Variants in PML observed in about 807,000 individuals in gnomAD.
PML encodes protein PML.
Under a neutral mutation model 65.2 loss-of-function variants are expected in PML, and 28 were observed. The observed-to-expected ratio is 0.43, with a 90% CI of 0.32 to 0.59. The LOEUF (loss-of-function observed/expected upper bound fraction) is 0.59. PML is among the 20% of genes least tolerant of loss of function. The probability of loss-of-function intolerance (pLI) is 0.08; values close to 1 mark genes in which losing one functional copy is unlikely to be tolerated. For missense variants in PML, 1,021 were observed against 1,203.4 expected, an observed-to-expected ratio of 0.85 and a Z score of 2.24; for synonymous variants, 500 against 508.8, an observed-to-expected ratio of 0.98 and a Z score of 0.23.
At chr15:74,020,790 A>G (rs914597572) in intron 2 of PML, among the ~76,000 whole-genome samples, 3 of 152,114 alleles carry the variant, frequency 2.0e-5, no homozygotes, top group South Asian at 2.1e-4. Context: ...GGCTGCCCAC[A>G]TTCCTTGGTG....
rs1277530084 is a variant in PML, at chr15:74,042,844, TC to T, written c.1711-144del. ...CACCCATTCATGCACACATACCTTC[TC>T]TTGTGCACACGTCCCCTTTCCCAGT... On this transcript the variant is annotated intron_variant, in intron 7 of 8. Transcript: ENST00000268058. This position sits in a 1 kb window ranked among gnomAD's most constrained non-coding sequence, Gnocchi z 5.3. The T allele has an allele frequency of 6.5e-6, 10 of 1,550,374 alleles. No individual in the cohort carries two copies. The highest frequency in any genetic ancestry group is 6.9e-6 in the Non-Finnish European group (8 of 1,154,682).
intron 4 of PML, among the ~76,000 whole-genome samples, chr15:74,031,496 C>T (rs978063535): frequency 4.6e-5 from 7 of 152,174 alleles, no homozygotes; most frequent in Non-Finnish European, 8.8e-5. Flanking sequence ...CATCTCAGTC[C>T]TCATTGCTTT....
Position 74,043,084 on chromosome 15 carries a change from C to T in PML, c.1806C>T (p.Asp602=). The change falls in exon 8 of 9, where the codon GAC becomes GAT. Residue 602 remains aspartate, a synonymous_variant. Transcript: ENST00000268058. The surrounding 1 kb of genome is among the most constrained non-coding windows in gnomAD (Gnocchi z 4.3). The stretch of plus-strand genomic sequence containing the variant: ...GGGTCCTGGACGAGAACCTTGCTGA[C>T]CCCCAAGCAGAAGACAGACCTCTGG... ...TLRVLDENLA[D]PQAEDRPLVF... 6.2e-7 allele frequency: 1 copy of T among 1,613,414 alleles called. No individual in the cohort carries two copies. Among genetic ancestry groups the T allele is most frequent in the Admixed American group, 1.7e-5 (1 of 59,950 alleles).
In PML at chr15:74,046,027, C is replaced by G. The variant is rs560968400; in HGVS notation, c.*1019C>G. 4.3e-6 allele frequency: 1 copy of G among 232,976 alleles called. No homozygotes were observed. Among genetic ancestry groups the G allele is most frequent in the East Asian group, 6.0e-5 (1 of 16,556 alleles). The allele number at this position is 232,976 out of a possible 1,614,324, so 14.4% of individuals were successfully genotyped here. On this transcript the variant is annotated 3_prime_UTR_variant, in exon 9 of 9. Transcript: ENST00000268058. ...TGTGGAACAGCAGAGAAAGTCCCGT[C>G]CCTATCTCTGACTGTGCAGTGAGTG...
intron 2 of PML, among the ~76,000 whole-genome samples, chr15:73,998,903 T>G (rs3784560): frequency 0.047 from 7,160 of 152,232 alleles, 235 homozygotes; most frequent in East Asian, 0.18. Context: ...AGACAAGTAG[T>G]TAGTTTCTGT....
chr15:74,033,206 G>C lies in PML; in HGVS notation c.1449G>C (p.Gln483His), dbSNP rs760985638. Residue 483 changes from glutamine to histidine, a missense_variant, in exon 6 of 9, where the codon CAG becomes CAC. Coordinates refer to ENST00000268058, the MANE Select transcript of PML (RefSeq NM_033238.3). ...TAQKRKCSQTQCPRKVIKMES... is the reference protein window; with the variant it reads ...TAQKRKCSQTHCPRKVIKMES... ...AGAAGAGGAAGTGCAGCCAGACCCAGTGCCCCAGGAAGGTCATCAAGATGG... is the reference window on the plus strand; with the variant it reads ...AGAAGAGGAAGTGCAGCCAGACCCACTGCCCCAGGAAGGTCATCAAGATGG... 5 of 1,614,206 alleles carry C rather than the reference G, an allele frequency of 3.1e-6. No homozygotes were observed. The highest frequency in any genetic ancestry group is 1.7e-5 in the Admixed American group (1 of 60,028).
At chr15:73,996,169 C>G (rs563098732) in intron 1 of PML, among the ~76,000 whole-genome samples, 1 of 152,348 alleles carries the variant, frequency 6.6e-6, no homozygotes, top group South Asian at 2.1e-4. Context: ...GTGTAACCAT[C>G]ACCACCATCT....
In PML at chr15:74,033,763, G is replaced by A. The variant is rs536222443; in HGVS notation, c.1657+349G>A. ...GAGAGGGCTTGGGCATACCATAACA[G>A]GAAACTGGACTCCCCATGACCTTAA... is the stretch of plus-strand genomic sequence containing the variant. On this transcript the variant is annotated intron_variant, in intron 6 of 8. Transcript: ENST00000268058. 137 of 591,794 alleles carry A rather than the reference G, an allele frequency of 2.3e-4. 1 individual carries two copies. In the South Asian group the frequency reaches 2.8e-3, roughly 12 times the overall value. 36.7% of individuals were successfully genotyped at this position (591,794 alleles called of 1,614,324 possible). A position where few individuals can be genotyped will look rare whatever the true frequency, so the allele number is the denominator to read the frequency against.
intron 2 of PML, among the ~76,000 whole-genome samples, chr15:74,004,719 A>ATT (rs762375779): frequency 2.2e-4 from 32 of 143,226 alleles, no homozygotes; most frequent in African/African-American, 6.1e-4. Flanking sequence ...CTGCTTTTTA[A>ATT]TTTTTTTTTT....
chr15:74,043,664 G>A lies in PML; in HGVS notation c.1861+525G>A. The A allele has an allele frequency of 3.8e-6, 2 of 526,746 alleles. No homozygotes were observed. The highest frequency in any genetic ancestry group is 2.0e-5 in the Admixed American group (1 of 50,810). The allele number at this position is 526,746 out of a possible 1,614,324, so 32.6% of individuals were successfully genotyped here. A position where few individuals can be genotyped will look rare whatever the true frequency, so the allele number is the denominator to read the frequency against. ...GCCCCTCCTTGAGCCAGAGCCCCAGGCCCTACCCTGTGGCATGGACTCAAC... is the reference window on the plus strand; with the variant it reads ...GCCCCTCCTTGAGCCAGAGCCCCAGACCCTACCCTGTGGCATGGACTCAAC... On this transcript the variant is annotated intron_variant, in intron 8 of 8. Transcript: ENST00000268058. The surrounding 1 kb of genome is among the most constrained non-coding windows in gnomAD (Gnocchi z 4.3).
At position 74,046,496 on chromosome 15, in the gene PML, A is replaced by T. The variant is rs775857904; in HGVS notation, c.*1488A>T. ...CATCCCATGGGGCCCCTGAAGACCC[A>T]CTGAGGAATTCCGTAGGGTCTTGTT... On this transcript the variant is annotated 3_prime_UTR_variant, in exon 9 of 9. Coordinates refer to ENST00000268058, the MANE Select transcript of PML (RefSeq NM_033238.3). 1.7e-4 allele frequency: 39 copies of T among 232,288 alleles called. No homozygotes were observed. The highest frequency in any genetic ancestry group is 1.4e-4 in the Non-Finnish European group (16 of 117,576). 14.4% of individuals were successfully genotyped at this position (232,288 alleles called of 1,614,324 possible). A position where few individuals can be genotyped will look rare whatever the true frequency, so the allele number is the denominator to read the frequency against.
intron 7 of PML, among the ~76,000 whole-genome samples, chr15:74,038,622 C>T (rs758318056): frequency 3.3e-5 from 5 of 152,168 alleles, no homozygotes; most frequent in Non-Finnish European, 5.9e-5. Flanking sequence ...CCCCAGAGTA[C>T]ACCCAGCACC....
chr15:74,006,331 CAGTG>C (rs1253517742), intron 2 of PML, among the ~76,000 whole-genome samples: 4 of 138,742 alleles, frequency 2.9e-5, no homozygotes, highest in Non-Finnish European at 4.5e-5. Flanking sequence ...GTGGAGGCTG[CAGTG>C]AGCTGAGATC....
chr15:74,027,112 GC>G (rs1429268601), intron 4 of PML: 1 of 152,196 alleles, frequency 6.6e-6, no homozygotes, highest in Non-Finnish European at 1.5e-5. Flanking sequence ...TAGGTAGAGA[GC>G]TTCCCGATAC....
intron 2 of PML, among the ~76,000 whole-genome samples, chr15:74,000,936 A>G (rs1447829886): frequency 6.6e-6 from 1 of 152,240 alleles, no homozygotes; most frequent in Non-Finnish European, 1.5e-5. Context: ...TTAGGCTTAT[A>G]AAAGTTTTTT....
Position 74,017,543 on chromosome 15 carries a change from G to T in PML, c.603-5285G>T, listed in dbSNP as rs1567126829. ...GTACACCTGTAGTTCCGGCTGCTTG[G>T]GAGGCTGAGGCAGGAGAATCGCTTG... On this transcript the variant is annotated intron_variant, in intron 2 of 8. Coordinates refer to ENST00000268058, the MANE Select transcript of PML (RefSeq NM_033238.3). 2.6e-5 allele frequency among the ~76,000 whole-genome samples: 4 copies of T among 152,104 alleles called. No individual in the cohort carries two copies. In the South Asian group the frequency reaches 8.3e-4, roughly 32 times the overall value.
intron 4 of PML, chr15:74,026,755 A>T (rs2071096739): frequency 6.6e-6 from 1 of 152,102 alleles, no homozygotes; most frequent in Non-Finnish European, 1.5e-5. Flanking sequence ...GGTTCAAGCG[A>T]TTCTCATGCC....
chr15:73,997,319 T>A (rs981798065), intron 1 of PML, among the ~76,000 whole-genome samples: 9 of 152,230 alleles, frequency 5.9e-5, no homozygotes, highest in African/African-American at 2.2e-4. Context: ...GACCCTATTC[T>A]CCTGCCTCAG....
chr15:74,032,617 C>A lies in PML; in HGVS notation c.1300C>A (p.Leu434Met), dbSNP rs758611701. 6.2e-7 allele frequency: 1 copy of A among 1,614,174 alleles called. No homozygotes were observed. The highest frequency in any genetic ancestry group is 1.7e-5 in the Admixed American group (1 of 60,036). ...RVKAQVQALG[L>M]AEAQPMAVVQ... ...GAAGGCCCAGGTTCAGGCCCTGGGGCTGGCTGAAGCCCAGCCTATGGCTGT... is the reference window on the plus strand; with the variant it reads ...GAAGGCCCAGGTTCAGGCCCTGGGGATGGCTGAAGCCCAGCCTATGGCTGT... The change falls in exon 5 of 9, where the codon CTG (leucine) becomes ATG (methionine). Residue 434 changes from leucine to methionine, a missense_variant. Coordinates refer to ENST00000268058, the MANE Select transcript of PML (RefSeq NM_033238.3).
Sources: allele counts gnomAD v4.1 joint callset (sites outside exome capture counted in the v4.1 genomes callset), GRCh38; gene constraint gnomAD v4.1.1; non-coding constraint Gnocchi (gnomAD v3.1); transcripts MANE v1.5; gene names NCBI Gene and HGNC (gene_info 2026-07-23, HGNC 2026-07-21).